ATR: variants seen among roughly 807,000 people sequenced by gnomAD.
ATR encodes ATR checkpoint kinase.
A neutral mutation model predicts 305.3 loss-of-function variants in ATR; 142 were observed. That is an observed-to-expected ratio of 0.47 (90% confidence interval 0.41 to 0.53). The LOEUF (loss-of-function observed/expected upper bound fraction) is 0.53, where lower values mean the gene tolerates loss of function less well. Ranked by LOEUF, ATR falls within the 20% of genes least tolerant of loss-of-function variation. The pLI is 0.00. For synonymous variants in ATR, 1,050 were observed against 1,068.1 expected (o/e 0.98, Z 0.33); for missense variants, 2,135 against 3,133.1 (o/e 0.68, Z 7.60).
chr3:142,485,218 T>C lies in ATR; in HGVS notation c.6143A>G (p.Lys2048Arg), dbSNP rs752284490. 6.2e-7 allele frequency: 1 copy of C among 1,614,156 alleles called. No homozygotes were observed. Among genetic ancestry groups the C allele is most frequent in the Non-Finnish European group, 8.5e-7 (1 of 1,179,998 alleles). Residue 2048 changes from lysine (K) to arginine (R), a missense_variant, in exon 36 of 47, where the codon AAA becomes AGA. Transcript: ENST00000350721. ...GTTGTCTGTGACCATGGGCATCAAT[T>C]TGTCATAGTACTTGGCAAGGTAAAA... is the stretch of plus-strand genomic sequence containing the variant. Reference protein sequence around the residue: ...GHFYLAKYYDKLMPMVTDNKM... With the variant: ...GHFYLAKYYDRLMPMVTDNKM...
chr3:142,523,064 CA>C (rs1559962472), intron 22 of ATR, among the ~76,000 whole-genome samples: 2 of 152,056 alleles, frequency 1.3e-5, no homozygotes, highest in African/African-American at 4.8e-5. Context: ...CTAAGGTGTA[CA>C]AAAAATTATT....
At chr3:142,540,436 C>A (rs1393870763) in intron 18 of ATR, among the ~76,000 whole-genome samples, 1 of 152,096 alleles carries the variant, frequency 6.6e-6, no homozygotes, top group East Asian at 1.9e-4. Context: ...TTTGAGACAA[C>A]TGGAGGAAAT....
intron 20 of ATR, 123 bp downstream of exon 20, chr3:142,535,985 G>A: frequency 1.4e-6 from 1 of 702,470 alleles, no homozygotes; most frequent in Non-Finnish European, 2.5e-6. Flanking sequence ...CCAGGAATTA[G>A]CTATCAGAAT....
At chr3:142,452,543 G>A (rs948780500) in intron 46 of ATR, 15 of 588,116 alleles carry the variant, frequency 2.6e-5, no homozygotes, top group African/African-American at 4.1e-5. Context: ...CTGTGGTGGT[G>A]CACGCTTATA....
chr3:142,452,334 C>G (rs2070810104), intron 46 of ATR: 1 of 986,378 alleles, frequency 1.0e-6, no homozygotes, highest in East Asian at 1.1e-4. Context: ...TGTAAGAGTG[C>G]CCCCCACCAA....
chr3:142,567,108 A>G (rs905949999), intron 2 of ATR, among the ~76,000 whole-genome samples: 1 of 152,206 alleles, frequency 6.6e-6, no homozygotes, highest in Non-Finnish European at 1.5e-5. Flanking sequence ...CCATACATCT[A>G]TTTATCAAAC....
chr3:142,475,496 A>G (rs2071414973), intron 36 of ATR, among the ~76,000 whole-genome samples: 2 of 152,154 alleles, frequency 1.3e-5, no homozygotes, highest in South Asian at 2.1e-4. Flanking sequence ...CCAGTCTATC[A>G]TTGTTGGACA....
intron 31 of ATR, 53 bp downstream of exon 31, chr3:142,499,574 G>A (rs978018576): frequency 3.9e-6 from 6 of 1,545,654 alleles, no homozygotes; most frequent in African/African-American, 2.7e-5. Flanking sequence ...GATTACAGGC[G>A]TGAGCCACCG....
rs531239444 is a variant in ATR, at chr3:142,453,290, T to C, written c.7656-57A>G. The C allele has an allele frequency of 2.4e-5, 38 of 1,559,794 alleles. No individual in the cohort carries two copies. The East Asian group carries it at 8.5e-4, about 35-fold the overall frequency. ...TTATCTTTGCAAGAAGAAATCTTGC[T>C]GACATCAATATTTAAGTGAAGGATG... is the stretch of plus-strand genomic sequence containing the variant. On this transcript the variant is annotated intron_variant, in intron 45 of 46. Transcript: ENST00000350721.
intron 46 of ATR, chr3:142,451,764 C>G: frequency 8.6e-7 from 1 of 1,168,400 alleles, no homozygotes; most frequent in African/African-American, 1.6e-5. Context: ...AAAACAAAAA[C>G]TATTTGTAGA....
intron 35 of ATR, among the ~76,000 whole-genome samples, chr3:142,492,463 G>C (rs2108324549): frequency 6.6e-6 from 1 of 152,290 alleles, no homozygotes; most frequent in East Asian, 1.9e-4. Flanking sequence ...GAACTACTCT[G>C]TTTAACTTTT....
At chr3:142,467,321 TC>T (rs1269145588) in intron 39 of ATR, among the ~76,000 whole-genome samples, 1 of 152,150 alleles carries the variant, frequency 6.6e-6, no homozygotes, top group Non-Finnish European at 1.5e-5. Flanking sequence ...GTAACCATGT[TC>T]CTACTTTAGT....
intron 21 of ATR, among the ~76,000 whole-genome samples, chr3:142,532,786 G>GT (rs1286708976): frequency 6.6e-6 from 1 of 152,106 alleles, no homozygotes; most frequent in African/African-American, 2.4e-5. Flanking sequence ...CACTCTTAAA[G>GT]TATCTTTTCC....
intron 35 of ATR, among the ~76,000 whole-genome samples, chr3:142,490,912 T>C (rs916212594): frequency 7.2e-5 from 11 of 152,196 alleles, no homozygotes; most frequent in Admixed American, 7.2e-4. Flanking sequence ...TTTCCTATAT[T>C]TTTTTCCTAG....
chr3:142,570,976 G>C (rs1320621183), intron 1 of ATR, among the ~76,000 whole-genome samples: 1 of 152,144 alleles, frequency 6.6e-6, no homozygotes, highest in African/African-American at 2.4e-5. Flanking sequence ...CAATTCTTGA[G>C]ATGTGACTCC....
chr3:142,496,773 T>C (rs1232405597), intron 33 of ATR, among the ~76,000 whole-genome samples: 3 of 152,178 alleles, frequency 2.0e-5, no homozygotes, highest in African/African-American at 7.2e-5. Context: ...TCTTGATTTT[T>C]ATCAGTAAAA....
chr3:142,477,518 A>C (rs1343498446), intron 36 of ATR, among the ~76,000 whole-genome samples: 5 of 152,266 alleles, frequency 3.3e-5, no homozygotes, highest in Admixed American at 6.5e-5. Flanking sequence ...GGATTTTTGC[A>C]TCAATGTTCA....
At chr3:142,569,889 C>T (rs2035207895) in intron 1 of ATR, among the ~76,000 whole-genome samples, 1 of 152,136 alleles carries the variant, frequency 6.6e-6, no homozygotes, top group Non-Finnish European at 1.5e-5. Context: ...TCGTGATCCG[C>T]CTGCCTCAGC....
At position 142,542,653 on chromosome 3, in the gene ATR, A is replaced by C. The variant is rs370149274; in HGVS notation, c.3450+12T>G. On this transcript the variant is annotated intron_variant, in intron 17 of 46. Coordinates refer to ENST00000350721, the MANE Select transcript of ATR (RefSeq NM_001184.4). ...AATTCTATCTTAGCACTCTGGAACT[A>C]TCACCACTTACCATTTTCTTATCTT... is the stretch of plus-strand genomic sequence containing the variant. 3 of 1,602,726 alleles carry C rather than the reference A, an allele frequency of 1.9e-6. No homozygotes were observed. The African/African-American group carries it at 4.0e-5, about 21-fold the overall frequency.
Sources: allele counts gnomAD v4.1 joint callset (sites outside exome capture counted in the v4.1 genomes callset), GRCh38; gene constraint gnomAD v4.1.1; transcripts MANE v1.5; gene names NCBI Gene and HGNC (gene_info 2026-07-23, HGNC 2026-07-21).